The following PTOV1 variants were observed in gnomAD, a reference collection of about 807,000 sequenced individuals.
The protein encoded by PTOV1 is prostate tumor-overexpressed gene 1 protein.
A neutral mutation model predicts 58.0 loss-of-function variants in PTOV1; 20 were observed. The ratio of observed to expected loss-of-function variants is 0.34; its 90% confidence interval spans 0.24 to 0.50. PTOV1 has a LOEUF of 0.50. PTOV1 is among the 20% of genes least tolerant of loss of function. The probability of loss-of-function intolerance (pLI) is 0.98; values close to 1 mark genes in which losing one functional copy is unlikely to be tolerated. For synonymous variants in PTOV1, 335 were observed against 234.2 expected (o/e 1.43, Z -3.93); for missense variants, 593 against 565.4 (o/e 1.05, Z -0.50).
intron 5 of PTOV1, among the ~76,000 whole-genome samples, chr19:49,855,954 G>A (rs1470165852): frequency 6.6e-6 from 1 of 152,070 alleles, no homozygotes; most frequent in Non-Finnish European, 1.5e-5. Flanking sequence ...GCAGGGGTGG[G>A]GTGGGAGCGA....
At position 49,858,133 on chromosome 19, in the gene PTOV1, G is replaced by A; in HGVS notation, c.936+19G>A. 1.2e-6 allele frequency: 2 copies of A among 1,611,136 alleles called. No homozygotes were observed. The highest frequency in any genetic ancestry group is 1.1e-5 in the South Asian group (1 of 90,982). On this transcript the variant is annotated intron_variant, in intron 9 of 11. Coordinates refer to ENST00000391842, the Ensembl canonical transcript of PTOV1. ...GCTGCTGGTGAGGGGCTGGGGCCGG[G>A]TGCTGGAGCCTGCACGCAGTAGCTC...
At chr19:49,853,473 T>C (rs1291375681) in intron 1 of PTOV1, among the ~76,000 whole-genome samples, 3 of 137,504 alleles carry the variant, frequency 2.2e-5, no homozygotes, top group African/African-American at 2.8e-5. Context: ...CTGGCCAACA[T>C]GGTGAAACCC....
At chr19:49,860,029 G>T (rs764330906) in exon 11 of PTOV1, 3 of 1,614,100 alleles carry the variant, frequency 1.9e-6, no homozygotes, top group Non-Finnish European at 1.7e-6. Context: ...TGTGAGATCC[G>T]CGTGCTTATG....
At chr19:49,857,866 C>T (rs1192958094) in intron 7 of PTOV1, 38 bp from the exon 8 acceptor site, 2 of 1,612,322 alleles carry the variant, frequency 1.2e-6, no homozygotes, top group Admixed American at 1.7e-5. Flanking sequence ...TTGGGGGTCT[C>T]CAGCCCTGAG....
At chr19:49,854,466 C>T in exon 2 of PTOV1, 2 of 1,612,578 alleles carry the variant, frequency 1.2e-6, no homozygotes, top group Non-Finnish European at 1.7e-6. Context: ...TGGGCTCACC[C>T]TCGGGGGTCT....
chr19:49,860,656 C>T (rs1448963896), exon 12 of PTOV1: 4 of 420,954 alleles, frequency 9.5e-6, no homozygotes, highest in African/African-American at 6.0e-5. Context: ...CTTCAACTGC[C>T]CAGCAACATG....
intron 1 of PTOV1, chr19:49,853,031 C>CAGAATCACCTGCGTGGGTGA (rs796511590): frequency 3.9e-5 from 6 of 151,980 alleles, no homozygotes; most frequent in African/African-American, 9.7e-5. Flanking sequence ...GCCCAAAAGT[C>CAGAATCACCTGCGTGGGTGA]AGAATCACCT....
At chr19:49,858,885 C>T (rs1335930552) in intron 10 of PTOV1, 1 of 507,916 alleles carries the variant, frequency 2.0e-6, no homozygotes, top group East Asian at 3.1e-5. Context: ...CACATCAGGG[C>T]TGACTCAGCA....
At chr19:49,854,424 G>A (rs759939370) in exon 2 of PTOV1, 1 of 1,610,898 alleles carries the variant, frequency 6.2e-7, no homozygotes, top group Admixed American at 1.7e-5. Flanking sequence ...TCGGGTCTTC[G>A]GGGCACTGGG....
chr19:49,851,457 C>G (rs2074243289), exon 1 of PTOV1: 1 of 1,221,488 alleles, frequency 8.2e-7, no homozygotes, highest in South Asian at 4.1e-5. Context: ...GCCCCCGAGG[C>G]CCGCAGCCTC....
chr19:49,851,722 G>T, intron 1 of PTOV1: 1 of 1,127,386 alleles, frequency 8.9e-7, no homozygotes, highest in Non-Finnish European at 1.1e-6. Flanking sequence ...TTGGGGGACG[G>T]GGGCGGGGCG....
chr19:49,859,758 C>T (rs2074664591), intron 10 of PTOV1: 2 of 576,550 alleles, frequency 3.5e-6, no homozygotes, highest in Non-Finnish European at 3.1e-6. Context: ...CTCTGAAATG[C>T]AGGTTCTTGG....
At chr19:49,857,721 G>A (rs909915728) in exon 7 of PTOV1, 5 of 1,614,012 alleles carry the variant, frequency 3.1e-6, no homozygotes, top group Non-Finnish European at 4.2e-6. Flanking sequence ...GTCAACTCAG[G>A]CCCAGTCCAG....
At position 49,851,338 on chromosome 19, in the gene PTOV1, C is replaced by T; in HGVS notation, c.10C>T (p.Pro4Ser). ...TCGGCCCGCGCCCGCCATGGTCCGT[C>T]CGCGCCGTGCCCCGTACCGCTCCGG... The change falls in exon 1 of 12, where the codon CCG (proline) becomes TCG (serine). Residue 4 changes from proline (P) to serine (S), a missense_variant. Physicochemically the swap from Pro to Ser is moderately conservative, Grantham distance 74. Transcript: ENST00000391842. 4.6e-6 allele frequency: 5 copies of T among 1,080,648 alleles called. No individual in the cohort carries two copies. In the South Asian group the frequency reaches 2.2e-4, roughly 47 times the overall value. 66.9% of individuals were successfully genotyped at this position (1,080,648 alleles called of 1,614,324 possible).
At chr19:49,859,924 T>G in intron 10 of PTOV1, 62 bp from the exon 11 acceptor site, 1 of 1,554,900 alleles carries the variant, frequency 6.4e-7, no homozygotes, top group Non-Finnish European at 8.9e-7. Context: ...CATGATGCCG[T>G]GGTTGGAGGG....
chr19:49,858,701 G>C, intron 10 of PTOV1, 48 bp downstream of exon 10: 1 of 1,472,224 alleles, frequency 6.8e-7, no homozygotes, highest in Non-Finnish European at 9.3e-7. Context: ...AGGGCAGAGC[G>C]AGCCCGGACC....
chr19:49,851,210 T>C, exon 1 of PTOV1: 3 of 1,190,696 alleles, frequency 2.5e-6, no homozygotes, highest in Non-Finnish European at 3.1e-6. Flanking sequence ...CCGAGCTTGG[T>C]ACGGCTCAGC....
chr19:49,855,987 C>T (rs371028810), intron 5 of PTOV1: 18 of 152,310 alleles, frequency 1.2e-4, no homozygotes, highest in African/African-American at 3.9e-4. Flanking sequence ...GAGGACCTGG[C>T]TCTGGGACAT....
At chr19:49,853,443 G>A (rs1351601592) in intron 1 of PTOV1, among the ~76,000 whole-genome samples, 1 of 150,852 alleles carries the variant, frequency 6.6e-6, no homozygotes, top group Non-Finnish European at 1.5e-5. Flanking sequence ...ATCACTTGAG[G>A]TCAGGAGTTC....
Sources: gnomAD v4.1 joint callset for allele counts (sites outside exome capture counted in the v4.1 genomes callset) on GRCh38, gnomAD v4.1.1 for gene constraint, MANE v1.5 for transcripts, NCBI Gene and HGNC (gene_info 2026-07-23, HGNC 2026-07-21) for gene names.